The following EEFSEC variants were observed in gnomAD, a reference collection of about 807,000 sequenced individuals.
EEFSEC encodes the protein selenocysteine-specific elongation factor.
A neutral mutation model predicts 42.1 loss-of-function variants in EEFSEC; 43 were observed. That is an observed-to-expected ratio of 1.02 (90% CI 0.80 to 1.32). EEFSEC has a LOEUF of 1.32. Ranked by LOEUF, EEFSEC falls within the 40% of genes most tolerant of loss-of-function variation. The probability of loss-of-function intolerance (pLI) is 0.00; values close to 1 mark genes in which losing one functional copy is unlikely to be tolerated. For missense variants in EEFSEC, 745 were observed against 803.6 expected (o/e 0.93, Z 0.88); for synonymous variants, 354 against 339.1 (o/e 1.04, Z -0.48).
At chr3:128,174,756 T>G (rs772721025) in intron 1 of EEFSEC, among the ~76,000 whole-genome samples, 1 of 152,178 alleles carries the variant, frequency 6.6e-6, no homozygotes, top group Non-Finnish European at 1.5e-5. Flanking sequence ...TCATTCTGGG[T>G]GCAAGGTAGA....
At position 128,244,471 on chromosome 3, in the gene EEFSEC, C is replaced by CT. The variant is rs34606977; in HGVS notation, c.317-2349dup. 5.8e-3 allele frequency among the ~76,000 whole-genome samples: 785 copies of CT among 134,484 alleles called. 7 individuals carry two copies. Among genetic ancestry groups the CT allele is most frequent in the South Asian group, 0.049 (209 of 4,272 alleles). The allele number at this position is 134,484 out of a possible 152,430, so 88.2% of individuals were successfully genotyped here. On this transcript the variant is annotated intron_variant, in intron 1 of 6. Coordinates refer to ENST00000254730, the MANE Select transcript of EEFSEC (RefSeq NM_021937.5). ...GCCTCCCACAGCCACATTGGGGAGT[C>CT]TTTTTTTTTTTTTTTTCCAGTGGAC...
chr3:128,281,794 T>G (rs2066528727), intron 4 of EEFSEC, among the ~76,000 whole-genome samples: 1 of 151,636 alleles, frequency 6.6e-6, no homozygotes. Flanking sequence ...TGTGCGGGGG[T>G]TTTGAGCCTT....
intron 4 of EEFSEC, among the ~76,000 whole-genome samples, chr3:128,286,246 G>C (rs148596912): frequency 2.2e-4 from 33 of 152,260 alleles, no homozygotes; most frequent in African/African-American, 7.0e-4. Context: ...TCCCTTTGTG[G>C]CTCTGGCACA....
At chr3:128,387,164 G>A (rs528344943) in intron 6 of EEFSEC, among the ~76,000 whole-genome samples, 11 of 152,322 alleles carry the variant, frequency 7.2e-5, no homozygotes, top group East Asian at 5.8e-4. Flanking sequence ...GCACCTGGCC[G>A]CAGGGGCTGC....
the EEFSEC span, among the ~76,000 whole-genome samples, chr3:128,416,650 G>A: frequency 6.6e-6 from 1 of 152,160 alleles, no homozygotes; most frequent in Non-Finnish European, 1.5e-5. Flanking sequence ...TGTGGAAGGG[G>A]CCTAGCATGT....
chr3:128,234,148 G>T (rs974265760), intron 1 of EEFSEC, among the ~76,000 whole-genome samples: 1 of 152,030 alleles, frequency 6.6e-6, no homozygotes, highest in African/African-American at 2.4e-5. Context: ...TGCCTCCCGG[G>T]TTCAAGCAAT....
intron 2 of EEFSEC, among the ~76,000 whole-genome samples, chr3:128,256,547 C>T (rs2066243649): frequency 6.6e-6 from 1 of 152,210 alleles, no homozygotes; most frequent in Non-Finnish European, 1.5e-5. Flanking sequence ...CCGGGCCAGG[C>T]TGGTCTGGGG....
At chr3:128,358,160 G>C in intron 5 of EEFSEC, 57 bp from the exon 6 acceptor site, 6 of 1,585,888 alleles carry the variant, frequency 3.8e-6, no homozygotes, top group Non-Finnish European at 5.2e-6. Context: ...CACAGTCACA[G>C]CTCTTTCAGT....
At chr3:128,189,783 CT>C (rs931238718) in intron 1 of EEFSEC, among the ~76,000 whole-genome samples, 4 of 151,962 alleles carry the variant, frequency 2.6e-5, no homozygotes, top group African/African-American at 9.7e-5. Context: ...TGATCTCGAA[CT>C]TCTGGGCTCA....
At chr3:128,394,554 G>A (rs1372613247) in intron 6 of EEFSEC, among the ~76,000 whole-genome samples, 2 of 152,124 alleles carry the variant, frequency 1.3e-5, no homozygotes, top group Non-Finnish European at 2.9e-5. Context: ...TTTTAAACCA[G>A]TTATCTTAGT....
At chr3:128,237,060 A>G (rs1184447852) in intron 1 of EEFSEC, among the ~76,000 whole-genome samples, 2 of 152,228 alleles carry the variant, frequency 1.3e-5, no homozygotes, top group Admixed American at 1.3e-4. Flanking sequence ...CTGCGTGTGA[A>G]CTAGCTGTTG....
chr3:128,262,003 TG>T lies in EEFSEC; in HGVS notation c.525-123del, dbSNP rs143002609. 1.8e-4 allele frequency: 152 copies of T among 841,546 alleles called. 1 individual carries two copies. In the East Asian group the frequency reaches 3.7e-3, roughly 20 times the overall value. 52.1% of individuals were successfully genotyped at this position (841,546 alleles called of 1,614,324 possible). A position where few individuals can be genotyped will look rare whatever the true frequency, so the allele number is the denominator to read the frequency against. On this transcript the variant is annotated intron_variant, in intron 2 of 6. Coordinates refer to ENST00000254730, the MANE Select transcript of EEFSEC (RefSeq NM_021937.5). ...GTACAGTGGTGCTGTCTTCTAGGCT[TG>T]GTTGATGTGGGGAGAGAAGAGGATG... is the stretch of plus-strand genomic sequence containing the variant.
At chr3:128,333,872 A>G (rs1272922037) in intron 4 of EEFSEC, among the ~76,000 whole-genome samples, 1 of 152,246 alleles carries the variant, frequency 6.6e-6, no homozygotes. Flanking sequence ...CTAAGTTGAA[A>G]GACAGTCGAA....
At chr3:128,319,403 C>T (rs16843940) in intron 4 of EEFSEC, among the ~76,000 whole-genome samples, 2,267 of 152,250 alleles carry the variant, frequency 0.015, 57 homozygotes, top group African/African-American at 0.05. Context: ...CCTCAGTGAG[C>T]GAGGGTGGCT....
intron 4 of EEFSEC, among the ~76,000 whole-genome samples, chr3:128,275,169 C>T (rs1006355712): frequency 7.2e-5 from 11 of 152,152 alleles, no homozygotes; most frequent in South Asian, 4.1e-4. Flanking sequence ...GGGCCCAAAG[C>T]GGTTTCCTCT....
intron 1 of EEFSEC, among the ~76,000 whole-genome samples, chr3:128,161,154 C>G (rs1427315204): frequency 6.6e-6 from 1 of 152,120 alleles, no homozygotes; most frequent in Non-Finnish European, 1.5e-5. Flanking sequence ...AAAAAGTGTA[C>G]CCGTCCATTC....
chr3:128,310,171 G>A (rs1275846706), intron 4 of EEFSEC, among the ~76,000 whole-genome samples: 1 of 152,226 alleles, frequency 6.6e-6, no homozygotes, highest in Non-Finnish European at 1.5e-5. Flanking sequence ...CTGAGGCACT[G>A]CCAAGAATAT....
intron 1 of EEFSEC, among the ~76,000 whole-genome samples, chr3:128,230,785 A>G (rs2065952385): frequency 6.6e-6 from 1 of 152,116 alleles, no homozygotes; most frequent in Non-Finnish European, 1.5e-5. Flanking sequence ...ATGTTCCCTC[A>G]AAGTCTGTCT....
chr3:128,223,306 C>T (rs2065878543), intron 1 of EEFSEC, among the ~76,000 whole-genome samples: 1 of 152,186 alleles, frequency 6.6e-6, no homozygotes, highest in Non-Finnish European at 1.5e-5. Context: ...TATAATAAAA[C>T]TGTAATCCTA....
Sources: allele counts gnomAD v4.1 joint callset (sites outside exome capture counted in the v4.1 genomes callset), GRCh38; gene constraint gnomAD v4.1.1; transcripts MANE v1.5; gene names NCBI Gene and HGNC (gene_info 2026-07-23, HGNC 2026-07-21).